Variants in SAMSN1 observed in about 807,000 individuals in gnomAD.
SAMSN1 encodes SAM domain, SH3 domain and nuclear localization signals 1.
A neutral mutation model predicts 42.0 loss-of-function variants in SAMSN1; 31 were observed. That is an observed-to-expected ratio of 0.74 (90% CI 0.55 to 1.00). The LOEUF is 1.00. Among genes scored for constraint, SAMSN1 ranks in the 50% least tolerant of loss-of-function variants. The pLI is 0.00. For synonymous variants in SAMSN1, 178 were observed against 151.9 expected (o/e 1.17, Z -1.26); for missense variants, 464 against 439.4 (o/e 1.06, Z -0.50).
In SAMSN1 at chr21:14,577,282, ATAT is replaced by A. The variant is rs1350423833; in HGVS notation, c.261+4851_261+4853del. Among the ~76,000 whole-genome samples, 470 of 50,488 alleles carry A rather than the reference ATAT, an allele frequency of 9.3e-3. 17 individuals carry two copies. The highest frequency in any genetic ancestry group is 0.013 in the Non-Finnish European group (359 of 27,940). 33.1% of individuals were successfully genotyped at this position (50,488 alleles called of 152,430 possible). On this transcript the variant is annotated intron_variant, in intron 2 of 8. Coordinates refer to the SAMSN1 transcript ENST00000285670. ...TATATATATATATATATATATATAT[ATAT>A]TTTTTTTTTAGAAGAGACAGGGTTT...
At chr21:14,543,057 C>G (rs955639264) in intron 1 of SAMSN1, among the ~76,000 whole-genome samples, 2 of 152,170 alleles carry the variant, frequency 1.3e-5, no homozygotes, top group African/African-American at 4.8e-5. Context: ...CTATTATTCT[C>G]CTATTTCTTT....
chr21:14,596,826 T>C (rs888617913), intron 6 of SAMSN1, among the ~76,000 whole-genome samples: 2 of 152,116 alleles, frequency 1.3e-5, no homozygotes, highest in Non-Finnish European at 2.9e-5. Context: ...CACCTGAGAT[T>C]ATAACCACAT....
chr21:14,490,843 C>T (rs572034363), intron 7 of SAMSN1, among the ~76,000 whole-genome samples: 8 of 152,244 alleles, frequency 5.3e-5, no homozygotes, highest in South Asian at 2.1e-4. Context: ...TAAACCTTTT[C>T]GCTTTCAGCT....
At chr21:14,632,489 A>C (rs568631311) in intron 2 of SAMSN1, among the ~76,000 whole-genome samples, 1 of 152,306 alleles carries the variant, frequency 6.6e-6, no homozygotes, top group South Asian at 2.1e-4. Context: ...ATTGTAATAC[A>C]AATAATTGCA....
At chr21:14,558,090 G>T (rs1005021802) in intron 2 of SAMSN1, among the ~76,000 whole-genome samples, 1 of 152,124 alleles carries the variant, frequency 6.6e-6, no homozygotes, top group African/African-American at 2.4e-5. Flanking sequence ...TGTGTTGTTG[G>T]TTTATTTTGG....
At chr21:14,649,090 A>G (rs1360276100) in intron 1 of SAMSN1, among the ~76,000 whole-genome samples, 1 of 152,110 alleles carries the variant, frequency 6.6e-6, no homozygotes, top group African/African-American at 2.4e-5. Flanking sequence ...CTATGCAGCC[A>G]TAAAAAAGGA....
chr21:14,632,471 T>G (rs1162925852), intron 2 of SAMSN1, among the ~76,000 whole-genome samples: 2 of 152,208 alleles, frequency 1.3e-5, no homozygotes, highest in Non-Finnish European at 2.9e-5. Context: ...TTGTGTATTA[T>G]TTGTATAATT....
chr21:14,620,953 T>C (rs868443125), intron 2 of SAMSN1, among the ~76,000 whole-genome samples: 27 of 152,220 alleles, frequency 1.8e-4, no homozygotes, highest in African/African-American at 6.3e-4. Context: ...AAAATGAAGA[T>C]TGTTCACTTG....
At chr21:14,631,392 A>G (rs543465680) in intron 2 of SAMSN1, among the ~76,000 whole-genome samples, 16 of 152,234 alleles carry the variant, frequency 1.1e-4, no homozygotes, top group African/African-American at 3.6e-4. Flanking sequence ...AACTTGTCCA[A>G]GGTGGGATTT....
At position 14,541,323 on chromosome 21, in the gene SAMSN1, T is replaced by TAAA. The variant is rs34794481; in HGVS notation, c.57+4879_57+4881dup. Among the ~76,000 whole-genome samples, 206 of 145,324 alleles carry TAAA rather than the reference T, an allele frequency of 1.4e-3. 1 individual carries two copies. The highest frequency in any genetic ancestry group is 4.8e-3 in the African/African-American group (188 of 39,528). ...GACAGATAAAACAAACAAAATCCTG[T>TAAA]AAAAAAAAAAAAAAAGTACATAGCT... On this transcript the variant is annotated intron_variant, in intron 1 of 7. Transcript: ENST00000400566.
rs769624629 is a variant in SAMSN1, at chr21:14,521,197, C to G, written c.82G>C (p.Asp28His). ...GATAAAGAATTATTCCGAAAACGAT[C>G]GAAATTCCCAAAACTGCTGCTTCGC... ...PKRSSSFGNFDRFRNNSLSKP... is the reference protein window; with the variant it reads ...PKRSSSFGNFHRFRNNSLSKP... The change falls in exon 2 of 8, where the codon GAT becomes CAT. Residue 28 changes from aspartate to histidine, a missense_variant. Transcript: ENST00000400566. 18 of 1,609,420 alleles carry G rather than the reference C, an allele frequency of 1.1e-5. No individual in the cohort carries two copies. The highest frequency in any genetic ancestry group is 1.5e-5 in the Non-Finnish European group (18 of 1,177,372).
At chr21:14,498,237 G>A (rs1285024708) in intron 7 of SAMSN1, among the ~76,000 whole-genome samples, 1 of 152,190 alleles carries the variant, frequency 6.6e-6, no homozygotes, top group African/African-American at 2.4e-5. Context: ...TTCATTTCCT[G>A]AGTCCAATAA....
intron 4 of SAMSN1, among the ~76,000 whole-genome samples, chr21:14,610,435 A>G (rs1432859249): frequency 6.6e-6 from 1 of 152,186 alleles, no homozygotes; most frequent in African/African-American, 2.4e-5. Flanking sequence ...ATGCATGCAC[A>G]TCAGGACATG....
chr21:14,606,392 C>T (rs1255800819), intron 5 of SAMSN1, among the ~76,000 whole-genome samples: 1 of 151,890 alleles, frequency 6.6e-6, no homozygotes, highest in Non-Finnish European at 1.5e-5. Context: ...ATTCTTTGTA[C>T]TTTCTGGTAT....
At chr21:14,610,139 G>A (rs879392762) in intron 4 of SAMSN1, among the ~76,000 whole-genome samples, 17 of 152,098 alleles carry the variant, frequency 1.1e-4, no homozygotes, top group Non-Finnish European at 1.3e-4. Context: ...CCTGTGGGCC[G>A]GGCATGATGG....
At chr21:14,580,948 A>G (rs1381012858) in intron 2 of SAMSN1, among the ~76,000 whole-genome samples, 1 of 152,140 alleles carries the variant, frequency 6.6e-6, no homozygotes, top group Non-Finnish European at 1.5e-5. Context: ...TTTACAAGGA[A>G]ATTGAAAAAA....
At position 14,500,580 on chromosome 21, in the gene SAMSN1, G is replaced by A. The variant is rs773251415; in HGVS notation, c.717C>T (p.Asn239=). The A allele has an allele frequency of 2.1e-5, 34 of 1,613,938 alleles. No homozygotes were observed. Among genetic ancestry groups the A allele is most frequent in the Non-Finnish European group, 2.7e-5 (32 of 1,180,010 alleles). ...PKKIKANRRS[N]SKKSKTLQEF... is the part of the protein sequence containing the mutation. ...CCTGCAGAGTCTTGGATTTTTTGCT[G>A]TTACTCCTTCGGTTTGCCTTTATTT... The change falls in exon 6 of 8, where the codon AAC becomes AAT. Residue 239 remains asparagine (N), a synonymous_variant. Coordinates refer to ENST00000400566, the MANE Select transcript of SAMSN1 (RefSeq NM_022136.5).
chr21:14,499,491 CAAAA>C lies in SAMSN1; in HGVS notation c.769-903_769-900del, dbSNP rs11301197. 1.2e-3 allele frequency among the ~76,000 whole-genome samples: 163 copies of C among 133,810 alleles called. 1 individual carries two copies. The South Asian group carries it at 0.027, about 22-fold the overall frequency. 87.8% of individuals were successfully genotyped at this position (133,810 alleles called of 152,430 possible). ...AGAACTTATGACCACCCCTTTTTAA[CAAAA>C]AAAAAAAAAAAAAGGAAGAAAAGCA... On this transcript the variant is annotated intron_variant, in intron 6 of 7. Transcript: ENST00000400566.
chr21:14,535,624 A>G (rs1568794326), intron 1 of SAMSN1, among the ~76,000 whole-genome samples: 1 of 152,232 alleles, frequency 6.6e-6, no homozygotes, highest in Non-Finnish European at 1.5e-5. Flanking sequence ...AAATCAAGTA[A>G]AAAATGTGAC....
Sources: gnomAD v4.1 joint callset for allele counts (sites outside exome capture counted in the v4.1 genomes callset) on GRCh38, gnomAD v4.1.1 for gene constraint, MANE v1.5 for transcripts, NCBI Gene and HGNC (gene_info 2026-07-23, HGNC 2026-07-21) for gene names.